The following RABGAP1L variants were observed in gnomAD, a reference collection of about 807,000 sequenced individuals.
RABGAP1L encodes rab GTPase-activating protein 1-like.
RABGAP1L carries 63 observed loss-of-function variants against 137.7 expected under a neutral mutation model. The ratio of observed to expected loss-of-function variants is 0.46; its 90% CI spans 0.37 to 0.56. RABGAP1L has a LOEUF of 0.56. RABGAP1L is among the 20% of genes least tolerant of loss of function. RABGAP1L has a pLI of 0.00. For synonymous variants in RABGAP1L, 431 were observed against 433.7 expected (o/e 0.99, Z 0.08); for missense variants, 1,095 against 1,244.0 (o/e 0.88, Z 1.80).
At chr1:174,440,441 A>C (rs1487152201) in intron 13 of RABGAP1L, among the ~76,000 whole-genome samples, 21 of 152,226 alleles carry the variant, frequency 1.4e-4, no homozygotes, top group Admixed American at 1.4e-3. Flanking sequence ...GGGTAATGAT[A>C]GTGAAGATGG....
chr1:174,272,519 ATAGTTAT>A, intron 8 of RABGAP1L, 39 bp downstream of exon 8: 1 of 1,445,684 alleles, frequency 6.9e-7, no homozygotes, highest in Non-Finnish European at 9.1e-7. Flanking sequence ...AGTATAGATG[ATAGTTAT>A]TTTATATTTG....
chr1:174,712,734 C>T (rs531600207), intron 17 of RABGAP1L, among the ~76,000 whole-genome samples: 19 of 152,276 alleles, frequency 1.2e-4, no homozygotes, highest in Admixed American at 3.9e-4. Context: ...ATATCCTTTT[C>T]CTTTCTCTCT....
chr1:174,229,890 A>T (rs1670490156), intron 3 of RABGAP1L, among the ~76,000 whole-genome samples: 1 of 152,162 alleles, frequency 6.6e-6, no homozygotes, highest in African/African-American at 2.4e-5. Flanking sequence ...CCAACAGTGT[A>T]AAAGTGTTCC....
intron 19 of RABGAP1L, chr1:174,892,452 A>G: frequency 2.2e-6 from 1 of 444,650 alleles, no homozygotes. Flanking sequence ...CATCAGCGTT[A>G]TTTGTGCCAG....
At chr1:174,643,761 T>C (rs392368) in intron 14 of RABGAP1L, among the ~76,000 whole-genome samples, 21,730 of 152,078 alleles carry the variant, frequency 0.14, 5,241 homozygotes, top group African/African-American at 0.49. Context: ...TTTTCCTTTT[T>C]AAATCTTTTC....
At chr1:174,540,374 A>G (rs915231763) in intron 13 of RABGAP1L, among the ~76,000 whole-genome samples, 1 of 152,096 alleles carries the variant, frequency 6.6e-6, no homozygotes, top group Non-Finnish European at 1.5e-5. Flanking sequence ...TGCCCATGCC[A>G]ATGTCCTAAA....
chr1:174,717,876 A>T (rs1681153398), intron 17 of RABGAP1L, among the ~76,000 whole-genome samples: 1 of 152,236 alleles, frequency 6.6e-6, no homozygotes, highest in Non-Finnish European at 1.5e-5. Context: ...TTAGTTGATT[A>T]TACCAGTGAA....
At chr1:174,918,856 A>T (rs1320155614) in intron 19 of RABGAP1L, among the ~76,000 whole-genome samples, 1 of 151,914 alleles carries the variant, frequency 6.6e-6, no homozygotes, top group Non-Finnish European at 1.5e-5. Flanking sequence ...TTCAAAATTA[A>T]AATTTAAAAA....
Position 174,978,813 on chromosome 1 carries a change from G to A in RABGAP1L, c.2656G>A (p.Glu886Lys). The A allele has an allele frequency of 6.5e-7, 1 of 1,532,366 alleles. No homozygotes were observed. Among genetic ancestry groups the A allele is most frequent in the Non-Finnish European group, 8.8e-7 (1 of 1,141,880 alleles). The allele number at this position is 1,532,366 out of a possible 1,614,324, so 94.9% of individuals were successfully genotyped here. A position where few individuals can be genotyped will look rare whatever the true frequency, so the allele number is the denominator to read the frequency against. ...KQEEETAQLKEVFRKQLEKAE... is the reference protein window; with the variant it reads ...KQEEETAQLKKVFRKQLEKAE... Reference sequence around the variant, plus strand: ...CTCATTCTATTCTTTCTAGCTAAAAGAAGTCTTCAGGAAACAGCTAGAGAA... The same window carrying A: ...CTCATTCTATTCTTTCTAGCTAAAAAAAGTCTTCAGGAAACAGCTAGAGAA... Residue 886 changes from glutamate to lysine, a missense_variant, in exon 23 of 26, where the codon GAA becomes AAA. This residue lies in a region of RABGAP1L where 312 missense variants were observed against 435.6 expected (regional missense o/e 0.72). Transcript: ENST00000681986.
intron 1 of RABGAP1L, among the ~76,000 whole-genome samples, chr1:174,195,593 CT>C (rs1296360512): frequency 3.1e-5 from 2 of 64,818 alleles, no homozygotes; most frequent in African/African-American, 7.3e-5. Context: ...TTCTTTCTTT[CT>C]TTCTTTCTTT....
At chr1:174,622,500 T>C (rs2148277133) in intron 13 of RABGAP1L, among the ~76,000 whole-genome samples, 1 of 152,306 alleles carries the variant, frequency 6.6e-6, no homozygotes, top group African/African-American at 2.4e-5. Context: ...GTGGCACATA[T>C]ACACCATGGA....
intron 10 of RABGAP1L, among the ~76,000 whole-genome samples, chr1:174,302,444 A>G (rs1402858771): frequency 2.0e-5 from 3 of 152,260 alleles, no homozygotes; most frequent in Non-Finnish European, 2.9e-5. Flanking sequence ...AAGGAAAGTT[A>G]GAATGAATTG....
rs138712514 is a variant in RABGAP1L, at chr1:174,911,699, A to G, written c.2341-45758A>G. Among the ~76,000 whole-genome samples, 11 of 152,368 alleles carry G rather than the reference A, an allele frequency of 7.2e-5. No individual in the cohort carries two copies. In the East Asian group the frequency reaches 2.1e-3, roughly 29 times the overall value. On this transcript the variant is annotated intron_variant, in intron 19 of 25. Coordinates refer to ENST00000681986, the MANE Select transcript of RABGAP1L (RefSeq NM_001366446.1). The stretch of plus-strand genomic sequence containing the variant: ...CTATGATTCTTCTAAGCTGCTGAAC[A>G]TAGAGACACATGACTGAGCAGTAGG...
At chr1:174,775,344 G>A (rs1002520800) in intron 18 of RABGAP1L, among the ~76,000 whole-genome samples, 5 of 146,030 alleles carry the variant, frequency 3.4e-5, no homozygotes, top group African/African-American at 1.0e-4. Flanking sequence ...ACTGAGTTTC[G>A]TTCTTGTTGC....
At chr1:174,657,949 G>A (rs961735415) in intron 14 of RABGAP1L, among the ~76,000 whole-genome samples, 3 of 152,170 alleles carry the variant, frequency 2.0e-5, no homozygotes, top group African/African-American at 7.2e-5. Context: ...TCTTGCAAGT[G>A]GAGTGTTCCA....
intron 19 of RABGAP1L, among the ~76,000 whole-genome samples, chr1:174,824,000 A>G (rs1044663061): frequency 6.6e-6 from 1 of 152,124 alleles, no homozygotes; most frequent in Admixed American, 6.5e-5. Context: ...CTAAAAATAC[A>G]AAATTTAGGC....
chr1:174,318,951 A>G (rs1571195824), intron 11 of RABGAP1L, among the ~76,000 whole-genome samples: 1 of 151,946 alleles, frequency 6.6e-6, no homozygotes, highest in East Asian at 1.9e-4. Context: ...TATACCTATT[A>G]TTGTTTTTAA....
At chr1:174,291,804 A>G (rs1676635762) in intron 10 of RABGAP1L, among the ~76,000 whole-genome samples, 1 of 151,662 alleles carries the variant, frequency 6.6e-6, no homozygotes, top group Non-Finnish European at 1.5e-5. Context: ...GACATTGGTT[A>G]ATTTATTTGT....
intron 19 of RABGAP1L, among the ~76,000 whole-genome samples, chr1:174,942,187 T>TG (rs1665999746): frequency 6.6e-6 from 1 of 152,224 alleles, no homozygotes; most frequent in African/African-American, 2.4e-5. Context: ...CTGGGACTGA[T>TG]GTCAACAGCA....
Sources: gnomAD v4.1 joint callset for allele counts (sites outside exome capture counted in the v4.1 genomes callset) on GRCh38, gnomAD v4.1.1 for gene constraint, gnomAD v4.1.1 regional missense constraint, MANE v1.5 for transcripts, NCBI Gene and HGNC (gene_info 2026-07-23, HGNC 2026-07-21) for gene names.